NRTN: variants seen among roughly 807,000 people sequenced by gnomAD.
NRTN encodes neurturin, also known as prepro-neurturin.
Under a neutral mutation model 7.5 loss-of-function variants are expected in NRTN, and 3 were observed. That is an observed-to-expected ratio of 0.40 (90% confidence interval 0.18 to 1.03). NRTN has a LOEUF of 1.03. Ranked by LOEUF, NRTN falls within the 50% of genes least tolerant of loss-of-function variation. The pLI is 0.34. For synonymous variants in NRTN, 157 were observed against 146.6 expected (o/e 1.07, Z -0.51); for missense variants, 310 against 307.0 (o/e 1.01, Z -0.07).
rs139182799 is a variant in NRTN at position 5,815,344 on chromosome 19, AGTGT to A, written c.-398-8410_-398-8407del. The stretch of plus-strand genomic sequence containing the variant: ...TGGTTTTTCACTGTGGGGTTGTTCA[AGTGT>A]GTGTGTGTGTGTGCAAACACCAGCA... On this transcript the variant is annotated intron_variant, in intron 1 of 2. Coordinates refer to ENST00000303212, the MANE Select transcript of NRTN (RefSeq NM_004558.5). Among the ~76,000 whole-genome samples the A allele has an allele frequency of 1.9e-4, 28 of 150,120 alleles. 1 individual carries two copies. The highest frequency in any genetic ancestry group is 6.3e-4 in the South Asian group (3 of 4,774).
chr19:5,808,334 C>T (rs1478206081), intron 1 of NRTN, among the ~76,000 whole-genome samples: 1 of 152,206 alleles, frequency 6.6e-6, no homozygotes, highest in African/African-American at 2.4e-5. Flanking sequence ...TGTCATCCCA[C>T]CCCGGGGACC....
At position 5,824,010 on chromosome 19, in the gene NRTN, T is replaced by C; in HGVS notation, c.-156T>C. 2.0e-6 allele frequency: 2 copies of C among 997,388 alleles called. No homozygotes were observed. The highest frequency in any genetic ancestry group is 1.5e-5 in the South Asian group (1 of 68,432). The allele number at this position is 997,388 out of a possible 1,614,324, so 61.8% of individuals were successfully genotyped here. On this transcript the variant is annotated 5_prime_UTR_variant, in exon 2 of 3. Coordinates refer to ENST00000303212, the MANE Select transcript of NRTN (RefSeq NM_004558.5). ...GCCAACCCCTTCCTTGTTCAATGGTTCCTTGAGGGACCATTCCCATGTGAT... is the reference window on the plus strand; with the variant it reads ...GCCAACCCCTTCCTTGTTCAATGGTCCCTTGAGGGACCATTCCCATGTGAT...
At chr19:5,823,701 T>G in intron 1 of NRTN, 67 bp from the exon 2 acceptor site, 1 of 292,524 alleles carries the variant, frequency 3.4e-6, no homozygotes, top group Non-Finnish European at 6.7e-6. Flanking sequence ...TCCCCGCGCC[T>G]TTGTCCCACA....
rs895999948 is a variant in NRTN at position 5,805,419 on chromosome 19, C to A, written c.-431C>A. On this transcript the variant is annotated 5_prime_UTR_variant, in exon 1 of 3. Transcript: ENST00000303212. ...GGGGCAGGGGCTGGGGCCGCGCGGC[C>A]GCCACTGACGGGTAGTCCGGCGCCC... Among the ~76,000 whole-genome samples, 1 of 150,906 alleles carries A rather than the reference C, an allele frequency of 6.6e-6. No individual in the cohort carries two copies. Among genetic ancestry groups the A allele is most frequent in the South Asian group, 2.1e-4 (1 of 4,824 alleles).
chr19:5,812,585 G>A (rs1172720464), intron 1 of NRTN, among the ~76,000 whole-genome samples: 1 of 152,258 alleles, frequency 6.6e-6, no homozygotes, highest in Non-Finnish European at 1.5e-5. Flanking sequence ...TGTGTCGCCA[G>A]TTCGAGGCTG....
chr19:5,812,024 C>T (rs1271358497), intron 1 of NRTN, among the ~76,000 whole-genome samples: 1 of 151,548 alleles, frequency 6.6e-6, no homozygotes, highest in East Asian at 1.9e-4. Context: ...CGCCCAATAC[C>T]ACGCCCAGCC....
At chr19:5,827,467 C>T (rs1234516476) in intron 2 of NRTN, among the ~76,000 whole-genome samples, 2 of 151,674 alleles carry the variant, frequency 1.3e-5, no homozygotes, top group African/African-American at 4.9e-5. Context: ...AAAGGATGGA[C>T]CAGGTTCTGG....
At chr19:5,822,307 C>T (rs904884928) in intron 1 of NRTN, among the ~76,000 whole-genome samples, 6 of 152,188 alleles carry the variant, frequency 3.9e-5, no homozygotes, top group South Asian at 2.1e-4. Flanking sequence ...CCCCATGAGC[C>T]GAGCCCAGGC....
At chr19:5,810,729 G>C (rs2056987790) in intron 1 of NRTN, among the ~76,000 whole-genome samples, 1 of 151,998 alleles carries the variant, frequency 6.6e-6, no homozygotes, top group Non-Finnish European at 1.5e-5. Context: ...GTCAGATCAA[G>C]ACCACCCTGG....
At chr19:5,815,697 A>C (rs1466884800) in intron 1 of NRTN, among the ~76,000 whole-genome samples, 4 of 150,344 alleles carry the variant, frequency 2.7e-5, no homozygotes, top group African/African-American at 9.8e-5. Context: ...CAGCCTTCCA[A>C]AGTGCTGGGA....
chr19:5,821,621 G>GTTCGTTCATTCATTCA (rs1555734914), intron 1 of NRTN, among the ~76,000 whole-genome samples: 7 of 146,322 alleles, frequency 4.8e-5, no homozygotes, highest in Non-Finnish European at 7.4e-5. Flanking sequence ...GCTTCTTTGT[G>GTTCGTTCATTCATTCA]TTCATTCATT....
intron 1 of NRTN, among the ~76,000 whole-genome samples, chr19:5,813,405 C>A (rs1254764965): frequency 6.6e-6 from 1 of 151,776 alleles, no homozygotes; most frequent in African/African-American, 2.4e-5. Flanking sequence ...GGCGCGGTGG[C>A]TCACGCCTGT....
intron 1 of NRTN, among the ~76,000 whole-genome samples, chr19:5,814,849 A>G (rs575737515): frequency 1.3e-5 from 2 of 152,174 alleles, no homozygotes; most frequent in Admixed American, 1.3e-4. Context: ...TCACACTGCT[A>G]CGCTCCCAGC....
Position 5,824,093 on chromosome 19 carries a change from C to T in NRTN, c.-73C>T, listed in dbSNP as rs878886915. 126 of 1,579,380 alleles carry T rather than the reference C, an allele frequency of 8.0e-5. No individual in the cohort carries two copies. Among genetic ancestry groups the T allele is most frequent in the Non-Finnish European group, 9.5e-5 (111 of 1,163,156 alleles). On this transcript the variant is annotated 5_prime_UTR_variant, in exon 2 of 3. Transcript: ENST00000303212. ...GGCCCCACACTGAGTCCTGGCCCAG[C>T]GCCCTGTGCCCGTTGGCTGCTGGAG...
intron 1 of NRTN, among the ~76,000 whole-genome samples, chr19:5,815,814 G>A (rs914965802): frequency 3.6e-4 from 53 of 146,172 alleles, no homozygotes; most frequent in Non-Finnish European, 7.6e-4. Flanking sequence ...GTGCGATCTC[G>A]ACTCACTGCA....
At chr19:5,821,429 C>T (rs961559215) in intron 1 of NRTN, among the ~76,000 whole-genome samples, 37 of 151,256 alleles carry the variant, frequency 2.4e-4, no homozygotes, top group African/African-American at 8.5e-4. Flanking sequence ...CTCAGCCTCC[C>T]GAGTAGCTGG....
chr19:5,827,705 C>CG, intron 2 of NRTN, 44 bp from the exon 3 acceptor site: 1 of 837,152 alleles, frequency 1.2e-6, no homozygotes, highest in Non-Finnish European at 1.5e-6. Context: ...CTCCCACCCC[C>CG]TGCACCCACT....
intron 2 of NRTN, among the ~76,000 whole-genome samples, chr19:5,827,334 T>C (rs1210667028): frequency 2.0e-5 from 3 of 149,558 alleles, no homozygotes; most frequent in African/African-American, 5.0e-5. Context: ...GGGGTCCAGA[T>C]AGATTTGCGA....
At chr19:5,825,910 G>A (rs2057044142) in intron 2 of NRTN, among the ~76,000 whole-genome samples, 1 of 152,158 alleles carries the variant, frequency 6.6e-6, no homozygotes, top group Admixed American at 6.5e-5. Flanking sequence ...CGAGGTGGGC[G>A]GATCACGAGG....
Sources: gnomAD v4.1 joint callset for allele counts (sites outside exome capture counted in the v4.1 genomes callset) on GRCh38, gnomAD v4.1.1 for gene constraint, MANE v1.5 for transcripts, NCBI Gene and HGNC (gene_info 2026-07-23, HGNC 2026-07-21) for gene names.